The following SKI variants were observed in gnomAD, a reference collection of about 807,000 sequenced individuals.
The protein encoded by SKI is ski oncogene.
A neutral mutation model predicts 59.3 loss-of-function variants in SKI; 23 were observed. The observed-to-expected ratio is 0.39, with a 90% CI of 0.28 to 0.55. The LOEUF (loss-of-function observed/expected upper bound fraction) is 0.55, where lower values mean the gene tolerates loss of function less well. Among genes scored for constraint, SKI ranks in the 20% least tolerant of loss-of-function variants. The pLI is 0.67. For missense variants in SKI, 1,017 were observed against 1,038.9 expected (o/e 0.98, Z 0.29); for synonymous variants, 673 against 488.6 (o/e 1.38, Z -4.98).
At chr1:2,274,365 T>C (rs1222847310) in intron 1 of SKI, among the ~76,000 whole-genome samples, 1 of 152,264 alleles carries the variant, frequency 6.6e-6, no homozygotes, top group South Asian at 2.1e-4. Context: ...CAGGCCCCCA[T>C]ATGCTGGGTT....
At chr1:2,249,458 C>T (rs1186083851) in intron 1 of SKI, among the ~76,000 whole-genome samples, 2 of 152,242 alleles carry the variant, frequency 1.3e-5, no homozygotes, top group Non-Finnish European at 2.9e-5. Context: ...GAGGGGGACC[C>T]TTTCAAGTGT....
intron 1 of SKI, among the ~76,000 whole-genome samples, chr1:2,285,870 G>GTTTT (rs77227502): frequency 1.3e-4 from 13 of 102,702 alleles, no homozygotes; most frequent in East Asian, 2.9e-4. Flanking sequence ...CAGCCAGAAG[G>GTTTT]TTTTTTTTTT....
At chr1:2,305,738 C>T (rs891180717) in intron 5 of SKI, among the ~76,000 whole-genome samples, 1 of 152,206 alleles carries the variant, frequency 6.6e-6, no homozygotes. Context: ...GAACGTGGCC[C>T]TAGATACCGG....
At chr1:2,247,404 T>C (rs1005972094) in intron 1 of SKI, among the ~76,000 whole-genome samples, 1 of 152,202 alleles carries the variant, frequency 6.6e-6, no homozygotes, top group Non-Finnish European at 1.5e-5. Context: ...TTCTCCCTCC[T>C]TTCTTCTGGC....
chr1:2,250,253 G>A (rs529613909), intron 1 of SKI, among the ~76,000 whole-genome samples: 9 of 152,294 alleles, frequency 5.9e-5, no homozygotes, highest in South Asian at 2.1e-4. Context: ...AAAGTTAAGG[G>A]TGCTCATTGC....
intron 1 of SKI, among the ~76,000 whole-genome samples, chr1:2,257,898 C>T (rs191419287): frequency 6.5e-4 from 99 of 152,138 alleles, no homozygotes; most frequent in African/African-American, 2.3e-3. Flanking sequence ...GCCACCATGC[C>T]TGGCTAATTT....
Position 2,308,516 on chromosome 1 carries a change from C to G in SKI, c.*1751C>G, listed in dbSNP as rs1045673056. On this transcript the variant is annotated 3_prime_UTR_variant, in exon 7 of 7. Transcript: ENST00000378536. ...ACACCTCTGCCGTAGGTAGATCCGTCAGCGGGCATTATTACCGTGTCTTGT... is the reference window on the plus strand; with the variant it reads ...ACACCTCTGCCGTAGGTAGATCCGTGAGCGGGCATTATTACCGTGTCTTGT... The G allele has an allele frequency of 2.0e-5, 3 of 152,222 alleles. No individual in the cohort carries two copies. Among genetic ancestry groups the G allele is most frequent in the Non-Finnish European group, 4.4e-5 (3 of 68,054 alleles). 9.4% of individuals were successfully genotyped at this position (152,222 alleles called of 1,614,324 possible). A position where few individuals can be genotyped will look rare whatever the true frequency, so the allele number is the denominator to read the frequency against.
intron 1 of SKI, among the ~76,000 whole-genome samples, chr1:2,244,052 G>A (rs1399100372): frequency 1.3e-5 from 2 of 151,840 alleles, no homozygotes; most frequent in Non-Finnish European, 2.9e-5. Context: ...TGCAAGCTCC[G>A]CCTCCCGGGT....
At chr1:2,305,230 T>C (rs576626409) in intron 5 of SKI, among the ~76,000 whole-genome samples, 6 of 152,192 alleles carry the variant, frequency 3.9e-5, no homozygotes, top group Non-Finnish European at 8.8e-5. Flanking sequence ...TTACGTTGTT[T>C]AGGTTTCTTT....
rs115496290 is a variant in SKI, at chr1:2,300,584, A to C, written c.970-2394A>C. Among the ~76,000 whole-genome samples the C allele has an allele frequency of 6.7e-3, 1,025 of 152,284 alleles. 13 individuals carry two copies. The highest frequency in any genetic ancestry group is 0.021 in the African/African-American group (858 of 41,568). On this transcript the variant is annotated intron_variant, in intron 1 of 6. Coordinates refer to ENST00000378536, the MANE Select transcript of SKI (RefSeq NM_003036.4). ...CTTCCTGGGGCTTTGAGAAACCAAT[A>C]CTGCTCAGGTGACAGTCCCTCTGAG...
At position 2,268,979 on chromosome 1, in the gene SKI, T is replaced by C. The variant is rs528950224; in HGVS notation, c.970-33999T>C. ...TCTTCTTTTTTCGACAGGGTCTGGCTCTGGCTCTGTCACCCAGGCTGGAGT... is the reference window on the plus strand; with the variant it reads ...TCTTCTTTTTTCGACAGGGTCTGGCCCTGGCTCTGTCACCCAGGCTGGAGT... On this transcript the variant is annotated intron_variant, in intron 1 of 6. Coordinates refer to ENST00000378536, the MANE Select transcript of SKI (RefSeq NM_003036.4). The surrounding 1 kb of genome is among the most constrained non-coding windows in gnomAD (Gnocchi z 5.0). 6.6e-6 allele frequency among the ~76,000 whole-genome samples: 1 copy of C among 152,058 alleles called. No individual in the cohort carries two copies. Among genetic ancestry groups the C allele is most frequent in the South Asian group, 2.1e-4 (1 of 4,812 alleles).
intron 1 of SKI, chr1:2,240,435 C>T (rs1638845364): frequency 3.1e-6 from 3 of 963,140 alleles, no homozygotes; most frequent in Non-Finnish European, 1.2e-6. Context: ...GCCAGAAGCA[C>T]TTGGCGGCAA....
Position 2,306,895 on chromosome 1 carries a change from C to T in SKI, c.*130C>T. 4 of 604,104 alleles carry T rather than the reference C, an allele frequency of 6.6e-6. No individual in the cohort carries two copies. Among genetic ancestry groups the T allele is most frequent in the Non-Finnish European group, 9.6e-6 (4 of 418,804 alleles). 37.4% of individuals were successfully genotyped at this position (604,104 alleles called of 1,614,324 possible). A position where few individuals can be genotyped will look rare whatever the true frequency, so the allele number is the denominator to read the frequency against. On this transcript the variant is annotated 3_prime_UTR_variant, in exon 7 of 7. Transcript: ENST00000378536. ...ACGTCTTACCGTGCCTATTACCAAG[C>T]GAGTGTTTGTAACCATGTAGTTTTG...
At chr1:2,302,849 C>A in intron 1 of SKI, 129 bp from the exon 2 acceptor site, 1 of 1,286,096 alleles carries the variant, frequency 7.8e-7, no homozygotes, top group Non-Finnish European at 1.1e-6. Flanking sequence ...AATCTGCCTT[C>A]TGCGCCACTC....
At chr1:2,292,892 C>T (rs1275817589) in intron 1 of SKI, among the ~76,000 whole-genome samples, 1 of 152,202 alleles carries the variant, frequency 6.6e-6, no homozygotes, top group Non-Finnish European at 1.5e-5. Flanking sequence ...GGCCGCTGAG[C>T]CAAAGGCCGT....
At chr1:2,293,531 C>T (rs1640214799) in intron 1 of SKI, among the ~76,000 whole-genome samples, 1 of 151,996 alleles carries the variant, frequency 6.6e-6, no homozygotes, top group Non-Finnish European at 1.5e-5. Context: ...GTGCCCTCTT[C>T]TTCTCTGGAC....
At chr1:2,302,902 G>A in intron 1 of SKI, 76 bp from the exon 2 acceptor site, 3 of 1,589,250 alleles carry the variant, frequency 1.9e-6, no homozygotes, top group Non-Finnish European at 2.6e-6. Context: ...TGACTGCCAT[G>A]TGCCAGCCAC....
At chr1:2,288,652 G>C (rs895843834) in intron 1 of SKI, among the ~76,000 whole-genome samples, 2 of 152,208 alleles carry the variant, frequency 1.3e-5, no homozygotes, top group Admixed American at 1.3e-4. Flanking sequence ...CTTGTCCTGA[G>C]TGGCCTTGGT....
At chr1:2,238,175 T>A (rs1187198584) in intron 1 of SKI, among the ~76,000 whole-genome samples, 1 of 152,224 alleles carries the variant, frequency 6.6e-6, no homozygotes, top group Non-Finnish European at 1.5e-5. Flanking sequence ...TCATTGTCCG[T>A]GCTCAGAGAA....
Sources: gnomAD v4.1 joint callset for allele counts (sites outside exome capture counted in the v4.1 genomes callset) on GRCh38, gnomAD v4.1.1 for gene constraint, Gnocchi (gnomAD v3.1) non-coding constraint, MANE v1.5 for transcripts, NCBI Gene and HGNC (gene_info 2026-07-23, HGNC 2026-07-21) for gene names.